ENPP6: variants seen among roughly 807,000 people sequenced by gnomAD.
The protein encoded by ENPP6 is ectonucleotide pyrophosphatase/phosphodiesterase 6.
ENPP6 carries 32 observed loss-of-function variants against 42.0 expected under a neutral mutation model. The ratio of observed to expected loss-of-function variants is 0.76; its 90% CI spans 0.58 to 1.02. The LOEUF is 1.02. Among genes scored for constraint, ENPP6 ranks in the 50% least tolerant of loss-of-function variants. The probability of loss-of-function intolerance (pLI) is 0.00; values close to 1 mark genes in which losing one functional copy is unlikely to be tolerated. For missense variants in ENPP6, 552 were observed against 566.8 expected (o/e 0.97, Z 0.27); for synonymous variants, 213 against 216.0 (o/e 0.99, Z 0.12).
intron 1 of ENPP6, among the ~76,000 whole-genome samples, chr4:184,171,673 C>A (rs552829006): frequency 6.6e-6 from 1 of 152,212 alleles, no homozygotes; most frequent in Admixed American, 6.5e-5. Flanking sequence ...ATTCCAAGAC[C>A]ATGGCTGTAG....
chr4:184,217,298 C>T (rs549516900), intron 1 of ENPP6, among the ~76,000 whole-genome samples: 50 of 152,246 alleles, frequency 3.3e-4, no homozygotes, highest in Non-Finnish European at 4.4e-4. Flanking sequence ...CTAAAATAAA[C>T]GACCACTTTT....
intron 1 of ENPP6, among the ~76,000 whole-genome samples, chr4:184,181,433 G>A (rs919639529): frequency 2.8e-4 from 42 of 152,252 alleles, no homozygotes; most frequent in African/African-American, 9.6e-4. Context: ...TGGCCATACT[G>A]CCCGAAGTAA....
chr4:184,185,566 A>G (rs1732621562), intron 1 of ENPP6, among the ~76,000 whole-genome samples: 3 of 152,238 alleles, frequency 2.0e-5, no homozygotes, highest in Admixed American at 2.0e-4. Flanking sequence ...TTTAACCTGC[A>G]GAACACCTTG....
At chr4:184,205,987 G>A (rs915325718) in intron 1 of ENPP6, among the ~76,000 whole-genome samples, 1 of 152,166 alleles carries the variant, frequency 6.6e-6, no homozygotes, top group African/African-American at 2.4e-5. Flanking sequence ...TGACCAGGAC[G>A]CCCGGGAGGA....
intron 1 of ENPP6, among the ~76,000 whole-genome samples, chr4:184,160,919 G>A (rs1737247960): frequency 6.6e-6 from 1 of 152,170 alleles, no homozygotes; most frequent in Non-Finnish European, 1.5e-5. Context: ...TTTTATTGGG[G>A]ATTCAGTCTG....
intron 2 of ENPP6, among the ~76,000 whole-genome samples, chr4:184,135,996 A>G (rs550524401): frequency 6.8e-4 from 104 of 152,234 alleles, no homozygotes; most frequent in African/African-American, 2.4e-3. Context: ...AAATCAGCCA[A>G]TTAACTACAT....
chr4:184,173,915 T>C (rs1253040347), intron 1 of ENPP6, among the ~76,000 whole-genome samples: 1 of 152,070 alleles, frequency 6.6e-6, no homozygotes. Context: ...AGGAGGTGGG[T>C]GGGAGATCCA....
intron 2 of ENPP6, among the ~76,000 whole-genome samples, chr4:184,149,469 C>A (rs1453667478): frequency 6.6e-6 from 1 of 152,244 alleles, no homozygotes; most frequent in Non-Finnish European, 1.5e-5. Flanking sequence ...CAGCCCACTG[C>A]TGGAAAGTGT....
chr4:184,194,331 G>A (rs1732761232), intron 1 of ENPP6, among the ~76,000 whole-genome samples: 1 of 152,166 alleles, frequency 6.6e-6, no homozygotes. Flanking sequence ...TGTTTCTGGA[G>A]CAACGAACAG....
Position 184,217,671 on chromosome 4 carries a change from A to G in ENPP6, c.149T>C (p.Phe50Ser). The G allele has an allele frequency of 6.2e-7, 1 of 1,614,220 alleles. No homozygotes were observed. Among genetic ancestry groups the G allele is most frequent in the Non-Finnish European group, 8.5e-7 (1 of 1,180,042 alleles). The change falls in exon 1 of 8, where the codon TTC (phenylalanine) becomes TCC (serine). Residue 50 changes from phenylalanine to serine, a missense_variant. Physicochemically the swap from Phe to Ser is radical, Grantham distance 155. Coordinates refer to ENST00000296741, the MANE Select transcript of ENPP6 (RefSeq NM_153343.4). ...SDEALESLPG[F>S]KEIVSRGVKV... Reference sequence around the variant, plus strand: ...TACTCCCCTGCTCACAATCTCTTTGAAACCAGGCAATGACTCCAGCGCCTC... The same window carrying G: ...TACTCCCCTGCTCACAATCTCTTTGGAACCAGGCAATGACTCCAGCGCCTC...
chr4:184,111,090 G>A (rs1736189267), intron 6 of ENPP6, among the ~76,000 whole-genome samples: 1 of 152,070 alleles, frequency 6.6e-6, no homozygotes, highest in Non-Finnish European at 1.5e-5. Flanking sequence ...AGTGACCTCT[G>A]GCCCTGCACT....
At chr4:184,100,414 G>C (rs1735977954) in intron 6 of ENPP6, among the ~76,000 whole-genome samples, 1 of 152,200 alleles carries the variant, frequency 6.6e-6, no homozygotes, top group Non-Finnish European at 1.5e-5. Flanking sequence ...GGATCCGCAA[G>C]CTCCTGGTTG....
Position 184,091,149 on chromosome 4 carries a change from T to A in ENPP6, c.*28A>T. The A allele has an allele frequency of 1.3e-6, 2 of 1,501,216 alleles. No individual in the cohort carries two copies. The highest frequency in any genetic ancestry group is 2.3e-5 in the East Asian group (1 of 42,860). The allele number at this position is 1,501,216 out of a possible 1,614,324, so 93.0% of individuals were successfully genotyped here. On this transcript the variant is annotated 3_prime_UTR_variant, in exon 8 of 8. Coordinates refer to ENST00000296741, the MANE Select transcript of ENPP6 (RefSeq NM_153343.4). ...TGGAGGCCCACTTTGCTGATGGTGTTTTTTTCTGAGACAAGCAATATGATC... is the reference window on the plus strand; with the variant it reads ...TGGAGGCCCACTTTGCTGATGGTGTATTTTTCTGAGACAAGCAATATGATC...
At chr4:184,134,707 T>C (rs939236989) in intron 2 of ENPP6, among the ~76,000 whole-genome samples, 8 of 152,000 alleles carry the variant, frequency 5.3e-5, no homozygotes, top group African/African-American at 1.9e-4. Flanking sequence ...GTTTTCTTTG[T>C]TGTATGTTTA....
At chr4:184,152,319 T>C (rs187765600) in intron 2 of ENPP6, among the ~76,000 whole-genome samples, 4 of 152,136 alleles carry the variant, frequency 2.6e-5, no homozygotes, top group Non-Finnish European at 5.9e-5. Flanking sequence ...TCCTCCAAAC[T>C]CCTGCTGAAG....
At chr4:184,125,979 C>T (rs1244658502) in intron 2 of ENPP6, among the ~76,000 whole-genome samples, 1 of 152,126 alleles carries the variant, frequency 6.6e-6, no homozygotes, top group African/African-American at 2.4e-5. Flanking sequence ...GTGCCAGAAA[C>T]CCCAAAGCAA....
rs143097499 is a variant in ENPP6, at chr4:184,108,411, C to T, written c.993+4261G>A. 1.1e-4 allele frequency among the ~76,000 whole-genome samples: 16 copies of T among 152,128 alleles called. No individual in the cohort carries two copies. In the East Asian group the frequency reaches 1.5e-3, roughly 15 times the overall value. ...TTTTACCATTTGGGGAGAAGTTTAG[C>T]GAATAGGAAAGTGAGAGATTAATAG... On this transcript the variant is annotated intron_variant, in intron 6 of 7. Transcript: ENST00000296741.
chr4:184,101,292 ATGTGTGTGAGCTTGTGTGTG>A (rs1560977975), intron 6 of ENPP6, among the ~76,000 whole-genome samples: 2 of 138,766 alleles, frequency 1.4e-5, no homozygotes, highest in Non-Finnish European at 3.1e-5. Context: ...GTTAATGTTT[ATGTGTGTGAGCTTGTGTGTG>A]TGTGTGTGTG....
In ENPP6 at chr4:184,127,397, CA is replaced by C. The variant is rs1482087058; in HGVS notation, c.422-3126del. Among the ~76,000 whole-genome samples, 5 of 151,902 alleles carry C rather than the reference CA, an allele frequency of 3.3e-5. No homozygotes were observed. In the East Asian group the frequency reaches 5.8e-4, roughly 18 times the overall value. Reference sequence around the variant, plus strand: ...AGATAGGAAAGGAGAAACAGAGGAACAAAAACAGTTAAGACAAGTAAAAAAA... The same window carrying C: ...AGATAGGAAAGGAGAAACAGAGGAACAAAACAGTTAAGACAAGTAAAAAAA... On this transcript the variant is annotated intron_variant, in intron 2 of 7. Coordinates refer to ENST00000296741, the MANE Select transcript of ENPP6 (RefSeq NM_153343.4).
Sources: gnomAD v4.1 joint callset for allele counts (sites outside exome capture counted in the v4.1 genomes callset) on GRCh38, gnomAD v4.1.1 for gene constraint, MANE v1.5 for transcripts, NCBI Gene and HGNC (gene_info 2026-07-23, HGNC 2026-07-21) for gene names.